TANGO6: variants seen among roughly 807,000 people sequenced by gnomAD.
TANGO6 encodes the protein transport and golgi organization 6 homolog.
A neutral mutation model predicts 114.2 loss-of-function variants in TANGO6; 90 were observed. The observed-to-expected ratio is 0.79, with a 90% CI of 0.66 to 0.94. TANGO6 has a LOEUF of 0.94. Ranked by LOEUF, TANGO6 falls within the 40% of genes least tolerant of loss-of-function variation. The probability of loss-of-function intolerance (pLI) is 0.00; values close to 1 mark genes in which losing one functional copy is unlikely to be tolerated. For missense variants in TANGO6, 1,274 were observed against 1,315.3 expected, an observed-to-expected ratio of 0.97 and a Z score of 0.49; for synonymous variants, 477 against 509.8, an observed-to-expected ratio of 0.94 and a Z score of 0.87.
intron 12 of TANGO6, among the ~76,000 whole-genome samples, chr16:68,923,926 G>C (rs112552082): frequency 6.6e-6 from 1 of 152,156 alleles, no homozygotes; most frequent in African/African-American, 2.4e-5. Context: ...CACACCCATG[G>C]GAGTGTTGTG....
chr16:68,992,797 G>A (rs1287050089), intron 15 of TANGO6, among the ~76,000 whole-genome samples: 6 of 152,098 alleles, frequency 3.9e-5, no homozygotes, highest in East Asian at 1.9e-4. Flanking sequence ...GGCCGGGCAC[G>A]GTGGCTCACA....
chr16:68,997,027 G>T (rs1292794352), intron 15 of TANGO6, among the ~76,000 whole-genome samples: 1 of 152,336 alleles, frequency 6.6e-6, no homozygotes, highest in Non-Finnish European at 1.5e-5. Context: ...GGAGCACAAA[G>T]GTTTTTAACT....
intron 11 of TANGO6, among the ~76,000 whole-genome samples, chr16:68,916,875 A>G (rs1963013327): frequency 6.6e-6 from 1 of 152,168 alleles, no homozygotes; most frequent in Admixed American, 6.6e-5. Flanking sequence ...CACCAGAGTG[A>G]TGCATTTTTT....
chr16:68,866,363 C>T (rs1261992255), intron 3 of TANGO6, among the ~76,000 whole-genome samples: 1 of 151,904 alleles, frequency 6.6e-6, no homozygotes, highest in African/African-American at 2.4e-5. Context: ...GTGGCTCACG[C>T]CTGTAATCCC....
At chr16:69,038,653 C>T (rs1959727838) in intron 16 of TANGO6, among the ~76,000 whole-genome samples, 1 of 152,140 alleles carries the variant, frequency 6.6e-6, no homozygotes, top group Non-Finnish European at 1.5e-5. Flanking sequence ...GTGGCTGTTA[C>T]ATTCAACTGT....
chr16:69,059,449 G>A (rs1025772818), intron 17 of TANGO6, among the ~76,000 whole-genome samples: 31 of 151,574 alleles, frequency 2.0e-4, no homozygotes, highest in Non-Finnish European at 3.2e-4. Flanking sequence ...TAGGTGTTCC[G>A]CCCGCCTCAG....
intron 15 of TANGO6, among the ~76,000 whole-genome samples, chr16:69,002,202 C>G (rs998827153): frequency 6.6e-5 from 10 of 151,952 alleles, no homozygotes; most frequent in Non-Finnish European, 2.9e-5. Flanking sequence ...ATGTGAGCAT[C>G]AAGGGTAGCA....
chr16:69,051,260 G>T (rs1370414185), intron 17 of TANGO6, among the ~76,000 whole-genome samples: 1 of 151,904 alleles, frequency 6.6e-6, no homozygotes, highest in Non-Finnish European at 1.5e-5. Context: ...TTTACTTTCG[G>T]CTGAGCACGG....
chr16:68,854,437 C>T (rs1961953072), intron 1 of TANGO6, among the ~76,000 whole-genome samples: 2 of 151,782 alleles, frequency 1.3e-5, no homozygotes, highest in South Asian at 2.1e-4. Flanking sequence ...AGAGCAAGAC[C>T]CTGTTGCAAA....
intron 11 of TANGO6, among the ~76,000 whole-genome samples, chr16:68,915,586 C>G (rs1157495698): frequency 6.6e-6 from 1 of 152,154 alleles, no homozygotes. Flanking sequence ...AGAAGACTCC[C>G]TGGAGGCAAC....
chr16:68,906,807 T>C (rs1719745142), intron 9 of TANGO6, among the ~76,000 whole-genome samples: 1 of 151,392 alleles, frequency 6.6e-6, no homozygotes, highest in African/African-American at 2.4e-5. Context: ...TTTTTTTTTT[T>C]TTTGAGACAG....
intron 15 of TANGO6, 28 bp from the exon 16 acceptor site, chr16:69,022,800 G>A (rs1734656186): frequency 5.2e-6 from 8 of 1,552,924 alleles, no homozygotes; most frequent in African/African-American, 1.4e-5. Context: ...TGTTTTAAGG[G>A]GTTTTGATTT....
chr16:68,898,065 T>A (rs113103886), intron 7 of TANGO6, among the ~76,000 whole-genome samples: 141 of 152,088 alleles, frequency 9.3e-4, no homozygotes, highest in African/African-American at 3.3e-3. Context: ...AAAATCCTGG[T>A]AAGGAAGGAT....
intron 14 of TANGO6, among the ~76,000 whole-genome samples, chr16:68,942,330 A>G (rs1296516245): frequency 6.6e-6 from 1 of 152,168 alleles, no homozygotes; most frequent in African/African-American, 2.4e-5. Flanking sequence ...CTCAAAAAAA[A>G]AAAAAGTTAC....
intron 3 of TANGO6, among the ~76,000 whole-genome samples, chr16:68,863,856 T>C (rs1164386461): frequency 6.6e-6 from 1 of 152,140 alleles, no homozygotes; most frequent in Non-Finnish European, 1.5e-5. Flanking sequence ...AGGGATAAGA[T>C]AGTTTCTTTG....
intron 14 of TANGO6, among the ~76,000 whole-genome samples, chr16:68,939,738 T>C (rs994870184): frequency 2.0e-5 from 3 of 152,246 alleles, no homozygotes; most frequent in Admixed American, 6.5e-5. Flanking sequence ...TGTATAAATA[T>C]GTATATGTAT....
intron 2 of TANGO6, 135 bp downstream of exon 2, chr16:68,860,659 A>C: frequency 8.5e-7 from 1 of 1,179,950 alleles, no homozygotes; most frequent in Non-Finnish European, 1.2e-6. Context: ...CCAATGGATA[A>C]ATGAATCTTT....
intron 1 of TANGO6, among the ~76,000 whole-genome samples, chr16:68,851,284 C>T (rs996690693): frequency 1.1e-4 from 16 of 152,020 alleles, no homozygotes; most frequent in South Asian, 8.3e-4. Context: ...CTCAGCCTCC[C>T]GAGTAACTGG....
At chr16:68,974,521 G>A (rs941320604) in intron 15 of TANGO6, among the ~76,000 whole-genome samples, 3 of 152,068 alleles carry the variant, frequency 2.0e-5, no homozygotes, top group African/African-American at 7.2e-5. Flanking sequence ...AATTAGCTGG[G>A]CGTGGTGGTG....
Sources: allele counts gnomAD v4.1 joint callset (sites outside exome capture counted in the v4.1 genomes callset), GRCh38; gene constraint gnomAD v4.1.1; transcripts MANE v1.5; gene names NCBI Gene and HGNC (gene_info 2026-07-23, HGNC 2026-07-21).